Variants in GPC5 observed in about 807,000 individuals in gnomAD.
GPC5 encodes the protein glypican-5.
A neutral mutation model predicts 53.9 loss-of-function variants in GPC5; 47 were observed. The observed-to-expected ratio is 0.87, with a 90% CI of 0.69 to 1.11. GPC5 has a LOEUF of 1.11. GPC5 is among the 50% of genes most tolerant of loss of function. The pLI is 0.00. For synonymous variants in GPC5, 286 were observed against 263.3 expected (o/e 1.09, Z -0.84); for missense variants, 748 against 713.1 (o/e 1.05, Z -0.56).
At chr13:92,348,478 A>T (rs1484237027) in intron 7 of GPC5, among the ~76,000 whole-genome samples, 1 of 152,166 alleles carries the variant, frequency 6.6e-6, no homozygotes, top group Non-Finnish European at 1.5e-5. Flanking sequence ...ATACAATAAT[A>T]GTAAGAGACT....
chr13:91,550,406 T>C (rs905107741), intron 2 of GPC5, among the ~76,000 whole-genome samples: 7 of 152,270 alleles, frequency 4.6e-5, no homozygotes, highest in African/African-American at 1.7e-4. Flanking sequence ...TTGTAACAAA[T>C]GTATCATTCT....
chr13:91,883,002 T>A (rs1338042343), intron 5 of GPC5, among the ~76,000 whole-genome samples: 1 of 152,146 alleles, frequency 6.6e-6, no homozygotes, highest in Non-Finnish European at 1.5e-5. Context: ...CACTTCATTA[T>A]ATCTCATGGA....
intron 7 of GPC5, among the ~76,000 whole-genome samples, chr13:92,453,717 G>C (rs564795433): frequency 2.6e-5 from 4 of 152,228 alleles, no homozygotes; most frequent in Admixed American, 6.5e-5. Context: ...GTATTTGAGG[G>C]AAATGGAAGC....
chr13:91,657,272 G>A (rs16946431), intron 2 of GPC5, among the ~76,000 whole-genome samples: 18,064 of 152,024 alleles, frequency 0.12, 1,281 homozygotes, highest in East Asian at 0.29. Context: ...TCATCTCTTC[G>A]AAATGGAGTG....
chr13:91,427,513 G>A (rs1327259785), intron 1 of GPC5, among the ~76,000 whole-genome samples: 2 of 152,182 alleles, frequency 1.3e-5, no homozygotes, highest in Admixed American at 6.5e-5. Context: ...CTCCCATTTG[G>A]AATGAGAACA....
At chr13:91,797,760 G>A (rs1369879026) in intron 5 of GPC5, among the ~76,000 whole-genome samples, 1 of 152,174 alleles carries the variant, frequency 6.6e-6, no homozygotes, top group Non-Finnish European at 1.5e-5. Context: ...AACTGTGACG[G>A]TGAGGCAGAG....
At chr13:91,454,015 C>A (rs980745525) in intron 2 of GPC5, among the ~76,000 whole-genome samples, 4 of 152,066 alleles carry the variant, frequency 2.6e-5, no homozygotes, top group African/African-American at 9.7e-5. Context: ...ATGTCAGTGG[C>A]ATGCTGAATG....
At chr13:92,663,856 CTATATATATATATATATATATATA>C (rs201565650) in intron 7 of GPC5, among the ~76,000 whole-genome samples, 9,539 of 88,344 alleles carry the variant, frequency 0.11, 761 homozygotes, top group East Asian at 0.39. Context: ...CACACACACA[CTATATATATATATATATATATATA>C]TATATATATA....
chr13:92,427,832 G>C (rs942125631), intron 7 of GPC5, among the ~76,000 whole-genome samples: 2 of 152,112 alleles, frequency 1.3e-5, no homozygotes, highest in Non-Finnish European at 2.9e-5. Context: ...CTCCTTAGTT[G>C]CTAACAAATG....
chr13:91,571,862 T>TGTGTGTATATATACACACATATAC (rs1566515798), intron 2 of GPC5, among the ~76,000 whole-genome samples: 1 of 125,430 alleles, frequency 8.0e-6, no homozygotes, highest in East Asian at 2.4e-4. Flanking sequence ...CACATATACG[T>TGTGTGTATATATACACACATATAC]GTGTGTATAT....
intron 7 of GPC5, among the ~76,000 whole-genome samples, chr13:92,198,528 C>A (rs1296593437): frequency 6.6e-6 from 1 of 152,074 alleles, no homozygotes; most frequent in Non-Finnish European, 1.5e-5. Flanking sequence ...TTCTTGCTTC[C>A]ATCATGAATG....
intron 7 of GPC5, among the ~76,000 whole-genome samples, chr13:92,348,131 A>G (rs1162174064): frequency 1.3e-5 from 2 of 149,420 alleles, no homozygotes; most frequent in East Asian, 2.0e-4. Context: ...TTGTCTATCA[A>G]TAATTACCTT....
chr13:92,847,271 A>G (rs1878642697), intron 7 of GPC5, among the ~76,000 whole-genome samples: 1 of 152,176 alleles, frequency 6.6e-6, no homozygotes, highest in African/African-American at 2.4e-5. Flanking sequence ...TAGAGTGCAG[A>G]GTTCTGTGGG....
At chr13:91,557,140 T>C (rs1217188417) in intron 2 of GPC5, among the ~76,000 whole-genome samples, 2 of 152,076 alleles carry the variant, frequency 1.3e-5, no homozygotes, top group Non-Finnish European at 2.9e-5. Context: ...TTATTTTCCA[T>C]AGTGGCTGCA....
chr13:91,510,730 A>G (rs1293793979), intron 2 of GPC5, among the ~76,000 whole-genome samples: 1 of 152,148 alleles, frequency 6.6e-6, no homozygotes, highest in Non-Finnish European at 1.5e-5. Flanking sequence ...TATCCCTTCC[A>G]TAATGGATAT....
intron 5 of GPC5, among the ~76,000 whole-genome samples, chr13:91,858,386 T>A (rs2038989989): frequency 6.6e-6 from 1 of 151,992 alleles, no homozygotes; most frequent in Non-Finnish European, 1.5e-5. Flanking sequence ...GAATGTTGAA[T>A]TTTATCAAAT....
chr13:92,343,579 C>G (rs1222138472), intron 7 of GPC5, among the ~76,000 whole-genome samples: 3 of 152,044 alleles, frequency 2.0e-5, no homozygotes, highest in African/African-American at 7.2e-5. Flanking sequence ...TGTATTGAAA[C>G]ATAATAATAT....
chr13:92,704,774 C>T (rs1887883718), intron 7 of GPC5, among the ~76,000 whole-genome samples: 1 of 149,050 alleles, frequency 6.7e-6, no homozygotes, highest in Admixed American at 6.8e-5. Flanking sequence ...GAATATTTTG[C>T]TTAAGAGTAT....
intron 6 of GPC5, among the ~76,000 whole-genome samples, chr13:92,102,403 C>T (rs1038018437): frequency 3.9e-5 from 6 of 151,984 alleles, no homozygotes; most frequent in Admixed American, 3.9e-4. Context: ...TACCAGACGA[C>T]CAAGAAGAAA....
Sources: gnomAD v4.1 joint callset for allele counts (sites outside exome capture counted in the v4.1 genomes callset) on GRCh38, gnomAD v4.1.1 for gene constraint, MANE v1.5 for transcripts, NCBI Gene and HGNC (gene_info 2026-07-23, HGNC 2026-07-21) for gene names.